MAML3: variants seen among roughly 807,000 people sequenced by gnomAD.
MAML3 encodes mastermind like transcriptional coactivator 3.
MAML3 carries 27 observed loss-of-function variants against 101.9 expected under a neutral mutation model. The ratio of observed to expected loss-of-function variants is 0.27; its 90% CI spans 0.20 to 0.37. The LOEUF is 0.37. MAML3 is among the 10% of genes least tolerant of loss of function. The probability of loss-of-function intolerance (pLI) is 1.00; values close to 1 mark genes in which losing one functional copy is unlikely to be tolerated. For synonymous variants in MAML3, 501 were observed against 555.9 expected (o/e 0.90, Z 1.39); for missense variants, 1,316 against 1,444.9 (o/e 0.91, Z 1.45).
intron 2 of MAML3, among the ~76,000 whole-genome samples, chr4:139,829,434 C>T (rs1433237117): frequency 1.3e-5 from 2 of 152,082 alleles, no homozygotes; most frequent in Non-Finnish European, 2.9e-5. Flanking sequence ...GTTTGAGGAA[C>T]TGGCGTGGTA....
At chr4:139,901,214 A>C (rs566688472) in intron 1 of MAML3, among the ~76,000 whole-genome samples, 1 of 152,326 alleles carries the variant, frequency 6.6e-6, no homozygotes, top group South Asian at 2.1e-4. Context: ...CAAATTTAGC[A>C]TGTGTTTGAG....
chr4:139,760,603 T>C (rs61017948), intron 2 of MAML3, among the ~76,000 whole-genome samples: 16,763 of 152,236 alleles, frequency 0.11, 1,044 homozygotes, highest in African/African-American at 0.17. Flanking sequence ...AGGCGCTTCA[T>C]TGCCCAAAGG....
chr4:140,128,584 C>G (rs1395043814), intron 1 of MAML3, among the ~76,000 whole-genome samples: 2 of 152,138 alleles, frequency 1.3e-5, no homozygotes, highest in Non-Finnish European at 2.9e-5. Context: ...ACTTGGAGCT[C>G]TTGGAAAGCA....
intron 1 of MAML3, among the ~76,000 whole-genome samples, chr4:140,091,628 T>C (rs1461013561): frequency 1.3e-5 from 2 of 149,774 alleles, no homozygotes; most frequent in Admixed American, 6.6e-5. Flanking sequence ...ACCCATTAGA[T>C]AGTACTTGTA....
At chr4:140,095,359 G>A (rs1194198019) in intron 1 of MAML3, among the ~76,000 whole-genome samples, 3 of 151,994 alleles carry the variant, frequency 2.0e-5, no homozygotes, top group African/African-American at 7.2e-5. Flanking sequence ...CTCCACAGAC[G>A]GTCAAATCTG....
chr4:139,760,702 A>G (rs56044267), intron 2 of MAML3, among the ~76,000 whole-genome samples: 16,796 of 152,182 alleles, frequency 0.11, 1,060 homozygotes, highest in African/African-American at 0.17. Context: ...GTACTACTAT[A>G]TTCTATACCC....
At chr4:139,886,266 C>T (rs920201160) in intron 2 of MAML3, among the ~76,000 whole-genome samples, 9 of 151,854 alleles carry the variant, frequency 5.9e-5, no homozygotes, top group African/African-American at 2.2e-4. Context: ...CAAATCAATT[C>T]AACTAAGAAT....
intron 1 of MAML3, among the ~76,000 whole-genome samples, chr4:140,070,885 C>A (rs993402174): frequency 6.6e-6 from 1 of 152,214 alleles, no homozygotes; most frequent in Non-Finnish European, 1.5e-5. Context: ...AGGCCCCTTC[C>A]CTCTCCAGAG....
At chr4:139,772,233 C>G (rs1329297773) in intron 2 of MAML3, among the ~76,000 whole-genome samples, 1 of 88,592 alleles carries the variant, frequency 1.1e-5, no homozygotes, top group Non-Finnish European at 2.3e-5. Flanking sequence ...GAGCGAGACT[C>G]CGTTCTCAAA....
chr4:139,995,733 T>A (rs143123108), intron 1 of MAML3, among the ~76,000 whole-genome samples: 2 of 152,240 alleles, frequency 1.3e-5, no homozygotes, highest in East Asian at 1.9e-4. Flanking sequence ...TTTGTTTTGG[T>A]CAGTCTAGCT....
intron 1 of MAML3, among the ~76,000 whole-genome samples, chr4:139,928,695 T>G (rs1733317605): frequency 1.3e-5 from 2 of 152,146 alleles, no homozygotes; most frequent in Non-Finnish European, 1.5e-5. Context: ...AAATGGGTCC[T>G]GTGAGGGAAG....
At chr4:139,722,083 T>C (rs1022711128) in intron 4 of MAML3, among the ~76,000 whole-genome samples, 3 of 152,298 alleles carry the variant, frequency 2.0e-5, no homozygotes. Flanking sequence ...CATTTTGGGG[T>C]ATATTTATAA....
At chr4:139,834,421 A>G (rs1237080518) in intron 2 of MAML3, among the ~76,000 whole-genome samples, 1 of 152,228 alleles carries the variant, frequency 6.6e-6, no homozygotes, top group Non-Finnish European at 1.5e-5. Context: ...TAGTGGCGGT[A>G]GCACGTAGAC....
At chr4:139,852,883 C>T (rs1731583860) in intron 2 of MAML3, among the ~76,000 whole-genome samples, 1 of 152,170 alleles carries the variant, frequency 6.6e-6, no homozygotes, top group Non-Finnish European at 1.5e-5. Context: ...TGTCTCCTTG[C>T]TTTGTTTCCC....
At chr4:140,047,520 G>A (rs1157051415) in intron 1 of MAML3, among the ~76,000 whole-genome samples, 1 of 152,188 alleles carries the variant, frequency 6.6e-6, no homozygotes, top group East Asian at 1.9e-4. Flanking sequence ...CGTGGCTCAC[G>A]CTGAGCTTCC....
At chr4:140,102,121 G>A (rs1406290158) in intron 1 of MAML3, among the ~76,000 whole-genome samples, 1 of 152,152 alleles carries the variant, frequency 6.6e-6, no homozygotes, top group Non-Finnish European at 1.5e-5. Context: ...TGAGTTATTA[G>A]AAAATGGACA....
intron 1 of MAML3, among the ~76,000 whole-genome samples, chr4:140,100,183 A>T (rs1728232394): frequency 6.6e-6 from 1 of 152,002 alleles, no homozygotes; most frequent in Non-Finnish European, 1.5e-5. Context: ...ATCTGTAGAG[A>T]TCACTGTCTC....
intron 1 of MAML3, among the ~76,000 whole-genome samples, chr4:139,955,328 T>C (rs937034856): frequency 2.6e-5 from 4 of 151,966 alleles, no homozygotes; most frequent in Non-Finnish European, 5.9e-5. Flanking sequence ...AACTTTACTT[T>C]TTTTTTTAAT....
At chr4:139,888,106 C>T (rs1043001031) in intron 2 of MAML3, among the ~76,000 whole-genome samples, 31 of 152,164 alleles carry the variant, frequency 2.0e-4, no homozygotes, top group African/African-American at 7.2e-4. Flanking sequence ...AGAATGAAGC[C>T]ACAGAGCTCA....
Sources: gnomAD v4.1 joint callset for allele counts (sites outside exome capture counted in the v4.1 genomes callset) on GRCh38, gnomAD v4.1.1 for gene constraint, MANE v1.5 for transcripts, NCBI Gene and HGNC (gene_info 2026-07-23, HGNC 2026-07-21) for gene names.